The following PSMA1 variants were observed in gnomAD, a reference collection of about 807,000 sequenced individuals.
PSMA1 encodes proteasome 20S subunit alpha 1.
PSMA1 carries 3 observed loss-of-function variants against 38.4 expected under a neutral mutation model. The observed-to-expected ratio is 0.08, with a 90% confidence interval of 0.04 to 0.20. PSMA1 has a LOEUF of 0.20. Among genes scored for constraint, PSMA1 ranks in the 10% least tolerant of loss-of-function variants. The pLI is 1.00. For synonymous variants in PSMA1, 101 were observed against 107.1 expected (o/e 0.94, Z 0.35); for missense variants, 227 against 325.3 (o/e 0.70, Z 2.32).
chr11:14,636,316 T>C (rs370119127), intron 1 of PSMA1, among the ~76,000 whole-genome samples: 2 of 152,326 alleles, frequency 1.3e-5, no homozygotes, highest in African/African-American at 4.8e-5. Context: ...CTTTTTAGAA[T>C]GTGGTATTTT....
chr11:14,557,583 A>T lies in PSMA1; in HGVS notation c.22-38542T>A, dbSNP rs185693505. Among the ~76,000 whole-genome samples the T allele has an allele frequency of 6.4e-4, 98 of 152,230 alleles. 1 individual carries two copies. Among genetic ancestry groups the T allele is most frequent in the African/African-American group, 2.2e-3 (93 of 41,548 alleles). ...ACTCAATTTTAAAATTTCTGCTATC[A>T]CATTTTTATTTCTAAAAGCTATTTC... On this transcript the variant is annotated intron_variant, in intron 2 of 10. Transcript: ENST00000418988.
chr11:14,546,449 T>G (rs554613348), intron 2 of PSMA1, among the ~76,000 whole-genome samples: 4 of 152,120 alleles, frequency 2.6e-5, no homozygotes, highest in Admixed American at 2.6e-4. Flanking sequence ...GTGGCTTTTT[T>G]TCCCCCCAGA....
At chr11:14,605,571 G>T (rs962551335) in intron 2 of PSMA1, among the ~76,000 whole-genome samples, 4 of 152,048 alleles carry the variant, frequency 2.6e-5, no homozygotes, top group African/African-American at 9.7e-5. Context: ...ATTTTTTATA[G>T]AGACGGGGTC....
At chr11:14,572,714 A>G (rs1351780412) in intron 2 of PSMA1, among the ~76,000 whole-genome samples, 1 of 152,218 alleles carries the variant, frequency 6.6e-6, no homozygotes, top group African/African-American at 2.4e-5. Context: ...CAAAAAATCA[A>G]TGAATCCAGG....
intron 1 of PSMA1, among the ~76,000 whole-genome samples, chr11:14,639,061 A>G (rs900334247): frequency 6.6e-6 from 1 of 152,194 alleles, no homozygotes; most frequent in African/African-American, 2.4e-5. Context: ...TGTCAGAGAT[A>G]CAATTGTTGC....
intron 9 of PSMA1, among the ~76,000 whole-genome samples, chr11:14,505,654 TA>T (rs199916676): frequency 2.7e-5 from 4 of 150,524 alleles, no homozygotes; most frequent in African/African-American, 2.4e-5. Context: ...CCTAGAAATA[TA>T]AAAAAAAAGA....
At chr11:14,594,387 C>G (rs1026971972) in intron 2 of PSMA1, among the ~76,000 whole-genome samples, 1 of 152,062 alleles carries the variant, frequency 6.6e-6, no homozygotes, top group East Asian at 1.9e-4. Context: ...GTAAAAGATA[C>G]TAATAAGCTT....
At chr11:14,545,093 A>T (rs1006572333) in intron 2 of PSMA1, among the ~76,000 whole-genome samples, 3 of 152,204 alleles carry the variant, frequency 2.0e-5, no homozygotes, top group Admixed American at 6.5e-5. Context: ...GTAAACTTAG[A>T]TTATAGTGAA....
At chr11:14,511,161 G>C in intron 7 of PSMA1, 1 of 351,300 alleles carries the variant, frequency 2.8e-6, no homozygotes, top group Non-Finnish European at 5.2e-6. Context: ...GAGGACTCAT[G>C]ATTTTTGTTA....
chr11:14,505,443 G>A (rs889794721), intron 9 of PSMA1, among the ~76,000 whole-genome samples, 195 bp from the exon 10 acceptor site: 4 of 151,634 alleles, frequency 2.6e-5, no homozygotes, highest in Non-Finnish European at 4.4e-5. Flanking sequence ...ATGATTTGAG[G>A]GAATAAAGAT....
At chr11:14,509,683 G>A (rs1178083413) in intron 8 of PSMA1, among the ~76,000 whole-genome samples, 1 of 150,172 alleles carries the variant, frequency 6.7e-6, no homozygotes, top group Non-Finnish European at 1.5e-5. Flanking sequence ...TTACAGGCGT[G>A]AGCCACTGCG....
At chr11:14,574,215 C>G (rs998159325) in intron 2 of PSMA1, among the ~76,000 whole-genome samples, 3 of 152,176 alleles carry the variant, frequency 2.0e-5, no homozygotes, top group South Asian at 2.1e-4. Flanking sequence ...GAAAAAGACC[C>G]TGAAGATATT....
intron 7 of PSMA1, among the ~76,000 whole-genome samples, chr11:14,512,243 G>A (rs1234427467): frequency 6.6e-6 from 1 of 152,064 alleles, no homozygotes; most frequent in East Asian, 1.9e-4. Context: ...GCGTGGTGGC[G>A]CATGCCTGCA....
At chr11:14,524,961 C>T (rs1851570536), upstream of PSMA1, among the ~76,000 whole-genome samples, 1 of 152,122 alleles carries the variant, frequency 6.6e-6, no homozygotes, top group East Asian at 1.9e-4. Flanking sequence ...ACTGACACTG[C>T]CCAATCTTCT....
Position 14,520,009 on chromosome 11 carries a change from A to G in PSMA1, c.3+288T>C, listed in dbSNP as rs1851500770. The G allele has an allele frequency of 1.4e-5, 8 of 556,324 alleles. No individual in the cohort carries two copies. In the African/African-American group the frequency reaches 1.5e-4, roughly 10 times the overall value. 34.5% of individuals were successfully genotyped at this position (556,324 alleles called of 1,614,324 possible). On this transcript the variant is annotated intron_variant, in intron 1 of 9. Transcript: ENST00000396394. ...TAGGAGCTATTCTGGACCGCTCAGA[A>G]TCTACTCCACTGAAGGAACCTGAGG...
At chr11:14,511,047 T>C in intron 7 of PSMA1, 96 bp from the exon 8 acceptor site, 1 of 744,386 alleles carries the variant, frequency 1.3e-6, no homozygotes, top group Non-Finnish European at 2.1e-6. Context: ...TGGTTTTTAG[T>C]TACACACTAA....
At chr11:14,560,634 G>A (rs567683650) in intron 2 of PSMA1, among the ~76,000 whole-genome samples, 1 of 152,314 alleles carries the variant, frequency 6.6e-6, no homozygotes, top group East Asian at 1.9e-4. Flanking sequence ...GTGAGCGATG[G>A]TAAGCAGGGC....
At chr11:14,573,475 A>C (rs1852173332) in intron 2 of PSMA1, among the ~76,000 whole-genome samples, 1 of 152,238 alleles carries the variant, frequency 6.6e-6, no homozygotes, top group East Asian at 1.9e-4. Context: ...CTTCATGCTA[A>C]AAACTCTCAA....
chr11:14,637,553 ATG>A (rs1326359395), intron 1 of PSMA1, among the ~76,000 whole-genome samples: 1 of 152,064 alleles, frequency 6.6e-6, no homozygotes, highest in Non-Finnish European at 1.5e-5. Context: ...TGTCTTCCCT[ATG>A]TTTAATGCTA....
Sources: allele counts gnomAD v4.1 joint callset (sites outside exome capture counted in the v4.1 genomes callset), GRCh38; gene constraint gnomAD v4.1.1; transcripts MANE v1.5; gene names NCBI Gene and HGNC (gene_info 2026-07-23, HGNC 2026-07-21).